GPSM2: variants seen among roughly 807,000 people sequenced by gnomAD.
The protein encoded by GPSM2 is G protein signaling modulator 2, also known as G protein-signaling modulator 2.
A neutral mutation model predicts 78.4 loss-of-function variants in GPSM2; 58 were observed. That is an observed-to-expected ratio of 0.74 (90% confidence interval 0.60 to 0.92). GPSM2 has a LOEUF of 0.92. GPSM2 is among the 40% of genes least tolerant of loss of function. GPSM2 has a pLI of 0.00. For synonymous variants in GPSM2, 224 were observed against 280.2 expected, an observed-to-expected ratio of 0.80 and a Z score of 2.00; for missense variants, 700 against 815.5, an observed-to-expected ratio of 0.86 and a Z score of 1.73.
At chr1:108,895,158 A>G (rs1390182098) in intron 2 of GPSM2, among the ~76,000 whole-genome samples, 3 of 152,200 alleles carry the variant, frequency 2.0e-5, no homozygotes, top group African/African-American at 4.8e-5. Flanking sequence ...GACATCACCC[A>G]GAGGGTGGAG....
chr1:108,929,687 T>C lies in GPSM2; in HGVS notation c.1816-14T>C, dbSNP rs748946684. 4 of 1,612,114 alleles carry C rather than the reference T, an allele frequency of 2.5e-6. No individual in the cohort carries two copies. In the East Asian group the frequency reaches 6.7e-5, roughly 27 times the overall value. On this transcript the variant is annotated splice_polypyrimidine_tract_variant and intron_variant, in intron 14 of 14. Transcript: ENST00000264126. ...CCCACAGTATGTCTTTTAATCTCTC[T>C]CATAAACTTCTAGGGATCCAGATTA...
chr1:108,887,155 T>C (rs1010672280), intron 2 of GPSM2, among the ~76,000 whole-genome samples: 6 of 152,218 alleles, frequency 3.9e-5, no homozygotes, highest in African/African-American at 1.4e-4. Context: ...CCCAAAGTGC[T>C]GGGATTATAG....
intron 2 of GPSM2, among the ~76,000 whole-genome samples, chr1:108,895,908 TCA>T (rs1283755901): frequency 6.6e-6 from 1 of 152,206 alleles, no homozygotes; most frequent in Non-Finnish European, 1.5e-5. Context: ...CGTATCAAAT[TCA>T]CAGTTTCATG....
intron 12 of GPSM2, among the ~76,000 whole-genome samples, chr1:108,919,032 G>A (rs1650495052): frequency 6.6e-6 from 1 of 151,222 alleles, no homozygotes; most frequent in Non-Finnish European, 1.5e-5. Context: ...TCTCGAGATG[G>A]AATCTTGCTC....
In GPSM2 at chr1:108,877,012, G is replaced by T. The variant is rs1480084249; in HGVS notation, c.-465G>T. 3 of 152,380 alleles carry T rather than the reference G, an allele frequency of 2.0e-5. No individual in the cohort carries two copies. Among genetic ancestry groups the T allele is most frequent in the Non-Finnish European group, 2.9e-5 (2 of 68,178 alleles). 9.4% of individuals were successfully genotyped at this position (152,380 alleles called of 1,614,324 possible). A position where few individuals can be genotyped will look rare whatever the true frequency, so the allele number is the denominator to read the frequency against. ...AGAGGAGGGCGGTGTTGAGACCGGC[G>T]GAGCGGCGGGACCCCTAGGTGGCGG... On this transcript the variant is annotated 5_prime_UTR_variant, in exon 1 of 15. Coordinates refer to ENST00000264126, the MANE Select transcript of GPSM2 (RefSeq NM_013296.5).
chr1:108,930,206 T>A lies in GPSM2; in HGVS notation c.*266T>A, dbSNP rs1282232810. 11 of 381,566 alleles carry A rather than the reference T, an allele frequency of 2.9e-5. No individual in the cohort carries two copies. The South Asian group carries it at 5.8e-4, about 20-fold the overall frequency. The allele number at this position is 381,566 out of a possible 1,614,324, so 23.6% of individuals were successfully genotyped here. A position where few individuals can be genotyped will look rare whatever the true frequency, so the allele number is the denominator to read the frequency against. ...TGGCAGCTTGTGAGATTACTTTACC[T>A]AGTGTTTATAAAGTAGGAAGTTAAG... On this transcript the variant is annotated 3_prime_UTR_variant, in exon 15 of 15. Coordinates refer to ENST00000264126, the MANE Select transcript of GPSM2 (RefSeq NM_013296.5).
rs1649049201 is a variant in GPSM2, at chr1:108,904,178, A to G, written c.1116A>G (p.Gln372=). The change falls in exon 10 of 15, where the codon CAA becomes CAG. Residue 372 remains glutamine, a synonymous_variant. Coordinates refer to ENST00000264126, the MANE Select transcript of GPSM2 (RefSeq NM_013296.5). ...CACGACTTAATCTCTCAGACCTTCA[A>G]ATGGTTCTTGGTCTGAGCTACAGCA... ...LTARLNLSDL[Q]MVLGLSYSTN... 1 of 1,599,098 alleles carries G rather than the reference A, an allele frequency of 6.3e-7. No individual in the cohort carries two copies. Among genetic ancestry groups the G allele is most frequent in the Non-Finnish European group, 8.6e-7 (1 of 1,166,886 alleles).
intron 10 of GPSM2, among the ~76,000 whole-genome samples, chr1:108,911,799 ATTTTTT>A (rs71069618): frequency 7.4e-5 from 8 of 108,720 alleles, no homozygotes; most frequent in East Asian, 5.3e-4. Flanking sequence ...TGGGAAGACA[ATTTTTT>A]TTTTTTTTTT....
Position 108,901,817 on chromosome 1 carries a change from TAA to T in GPSM2, c.827_828del (p.Lys276ArgfsTer23). 1 of 1,611,962 alleles carries T rather than the reference TAA, an allele frequency of 6.2e-7. No homozygotes were observed. The highest frequency in any genetic ancestry group is 1.1e-5 in the South Asian group (1 of 91,034). ...KKTLLLARQL[K>X]DRAVEAQSCY... is the part of the protein sequence containing the mutation. The stretch of plus-strand genomic sequence containing the variant: ...AGACACTACTGTTGGCCCGACAGCT[TAA>T]AGACCGAGCTGTAGAAGCACAGTCT... On this transcript the variant is annotated frameshift_variant, in exon 8 of 15. Coordinates refer to ENST00000264126, the MANE Select transcript of GPSM2 (RefSeq NM_013296.5). LOFTEE classifies it high-confidence loss of function.
chr1:108,903,355 T>G (rs1648953711), intron 9 of GPSM2, 121 bp downstream of exon 9: 2 of 663,048 alleles, frequency 3.0e-6, no homozygotes, highest in Non-Finnish European at 5.4e-6. Context: ...TTATATATCA[T>G]TCTCTTGGCA....
chr1:108,929,384 C>T, intron 14 of GPSM2: 1 of 338,986 alleles, frequency 2.9e-6, no homozygotes, highest in Non-Finnish European at 5.5e-6. Context: ...TACAGTTGAC[C>T]TTGTCTTTTA....
intron 1 of GPSM2, among the ~76,000 whole-genome samples, chr1:108,882,090 T>C (rs529751545): frequency 6.6e-6 from 1 of 152,270 alleles, no homozygotes; most frequent in East Asian, 1.9e-4. Flanking sequence ...TAGCTGGGGC[T>C]ATAGTCACAG....
intron 10 of GPSM2, among the ~76,000 whole-genome samples, chr1:108,908,629 C>A (rs34679756): frequency 6.6e-6 from 1 of 150,554 alleles, no homozygotes; most frequent in African/African-American, 2.5e-5. Flanking sequence ...GAGCCGAGAT[C>A]GCGCCACTGC....
At chr1:108,925,296 A>G (rs1651036818) in intron 14 of GPSM2, among the ~76,000 whole-genome samples, 1 of 152,218 alleles carries the variant, frequency 6.6e-6, no homozygotes, top group African/African-American at 2.4e-5. Context: ...TGGTATAGAC[A>G]ATGAAGTAGA....
At chr1:108,884,421 A>G (rs12048340) in intron 1 of GPSM2, among the ~76,000 whole-genome samples, 1 of 152,120 alleles carries the variant, frequency 6.6e-6, no homozygotes, top group African/African-American at 2.4e-5. Context: ...CAGAATGAAA[A>G]ATACATTTGG....
intron 2 of GPSM2, among the ~76,000 whole-genome samples, chr1:108,891,662 T>TG (rs1251462015): frequency 5.4e-5 from 7 of 129,686 alleles, no homozygotes; most frequent in Middle Eastern, 7.6e-3. Context: ...CACAGCCAGC[T>TG]AATTTTTTTT....
chr1:108,912,476 G>C (rs114568789), intron 10 of GPSM2, among the ~76,000 whole-genome samples: 3,717 of 151,920 alleles, frequency 0.024, 156 homozygotes, highest in African/African-American at 0.085. Context: ...AGGTGCAGTG[G>C]CTCACACCTG....
chr1:108,918,556 A>C, intron 11 of GPSM2, 57 bp from the exon 12 acceptor site: 14 of 1,282,214 alleles, frequency 1.1e-5, no homozygotes, highest in Non-Finnish European at 1.5e-5. Flanking sequence ...GGAAACCAGA[A>C]GAGAGCTGGG....
chr1:108,897,467 GTTTT>G (rs1284593178), intron 3 of GPSM2, 21 bp from the exon 4 acceptor site: 1 of 1,580,878 alleles, frequency 6.3e-7, no homozygotes, highest in Admixed American at 1.8e-5. Flanking sequence ...TTGGTTTTTT[GTTTT>G]TTGTTTTTTG....
Sources: allele counts gnomAD v4.1 joint callset (sites outside exome capture counted in the v4.1 genomes callset), GRCh38; gene constraint gnomAD v4.1.1; transcripts MANE v1.5; gene names NCBI Gene and HGNC (gene_info 2026-07-23, HGNC 2026-07-21).